PODN: variants seen among roughly 807,000 people sequenced by gnomAD.
PODN encodes podocan proteoglycan.
In PODN, 40 loss-of-function variants were observed where a neutral mutation model predicts 52.7. The observed-to-expected ratio is 0.76, with a 90% confidence interval of 0.59 to 0.99. The LOEUF (loss-of-function observed/expected upper bound fraction) is 0.99, where lower values mean the gene tolerates loss of function less well. PODN is among the 50% of genes least tolerant of loss of function. The pLI is 0.00. For synonymous variants in PODN, 396 were observed against 377.9 expected (o/e 1.05, Z -0.56); for missense variants, 720 against 815.1 (o/e 0.88, Z 1.42).
At chr1:53,069,203 C>T (rs772370830) in intron 1 of PODN, among the ~76,000 whole-genome samples, 28 of 152,238 alleles carry the variant, frequency 1.8e-4, no homozygotes, top group Non-Finnish European at 2.9e-4. Context: ...TTCCCATGTT[C>T]ATAGCACTGG....
chr1:53,084,757 C>G lies in PODN; in HGVS notation c.*272C>G, dbSNP rs886313326. 3 of 152,860 alleles carry G rather than the reference C, an allele frequency of 2.0e-5. No individual in the cohort carries two copies. Among genetic ancestry groups the G allele is most frequent in the African/African-American group, 7.2e-5 (3 of 41,452 alleles). 9.5% of individuals were successfully genotyped at this position (152,860 alleles called of 1,614,324 possible). A position where few individuals can be genotyped will look rare whatever the true frequency, so the allele number is the denominator to read the frequency against. ...ACTACCCTCCAAACCACCACAGTCT[C>G]TGTCACACCCCCACTACCGCTGCCA... On this transcript the variant is annotated 3_prime_UTR_variant, in exon 11 of 11. Transcript: ENST00000312553.
chr1:53,066,839 G>T (rs1437541652), intron 1 of PODN: 2 of 1,549,754 alleles, frequency 1.3e-6, no homozygotes, highest in African/African-American at 2.7e-5. Flanking sequence ...ATACCAAATG[G>T]AAGGCGAGGA....
rs1372360163 is a variant in PODN, at chr1:53,074,628, G to A, written c.429G>A (p.Glu143=). 5 of 1,614,096 alleles carry A rather than the reference G, an allele frequency of 3.1e-6. No individual in the cohort carries two copies. The highest frequency in any genetic ancestry group is 1.1e-5 in the South Asian group (1 of 91,084). ...AAGGGCTCCCAGAGAAGGCGTTTGA[G>A]CATCTGACCAACCTCAATTACCTGT... ...TSRGLPEKAF[E]HLTNLNYLYL... is the part of the protein sequence containing the mutation. The change falls in exon 4 of 11, where the codon GAG becomes GAA. Residue 143 remains glutamate, a synonymous_variant. Transcript: ENST00000312553.
At chr1:53,071,499 C>T (rs770786942) in intron 2 of PODN, 36 bp from the exon 3 acceptor site, 2 of 1,554,828 alleles carry the variant, frequency 1.3e-6, no homozygotes, top group Non-Finnish European at 8.8e-7. Flanking sequence ...CCCCACTAGG[C>T]TGATGCTGCT....
Position 53,074,684 on chromosome 1 carries a change from G to C in PODN, c.471+14G>C. ...GCCAATAACAAGGTGAGGGGCTTGA[G>C]GCAGGGTGGGGGGTTGCTGCCCTGT... On this transcript the variant is annotated intron_variant, in intron 4 of 10. Transcript: ENST00000312553. 1 of 1,613,476 alleles carries C rather than the reference G, an allele frequency of 6.2e-7. No individual in the cohort carries two copies. Among genetic ancestry groups the C allele is most frequent in the East Asian group, 2.2e-5 (1 of 44,874 alleles).
intron 1 of PODN, among the ~76,000 whole-genome samples, chr1:53,065,790 A>C (rs967917942): frequency 2.0e-5 from 3 of 152,028 alleles, no homozygotes; most frequent in Non-Finnish European, 4.4e-5. Context: ...CAGTCTTGTG[A>C]GTGTGAACTG....
intron 8 of PODN, among the ~76,000 whole-genome samples, chr1:53,080,122 C>A (rs986706761): frequency 1.6e-4 from 24 of 152,304 alleles, no homozygotes; most frequent in African/African-American, 5.5e-4. Context: ...TTCCTGACTG[C>A]CCTCCCCTGG....
At chr1:53,066,006 T>TA (rs1644027273) in intron 1 of PODN, among the ~76,000 whole-genome samples, 1 of 148,778 alleles carries the variant, frequency 6.7e-6, no homozygotes, top group Admixed American at 6.7e-5. Flanking sequence ...TTTTTTTTTT[T>TA]TTTTTTTTTG....
chr1:53,074,239 G>C (rs996187113), intron 3 of PODN, among the ~76,000 whole-genome samples: 2 of 152,226 alleles, frequency 1.3e-5, no homozygotes, highest in African/African-American at 4.8e-5. Flanking sequence ...TTCCTGGCCC[G>C]GCCCCCCTGC....
At chr1:53,077,411 C>T in intron 6 of PODN, 65 bp downstream of exon 6, 3 of 1,582,938 alleles carry the variant, frequency 1.9e-6, no homozygotes, top group Non-Finnish European at 2.6e-6. Flanking sequence ...GGGCAGGGGC[C>T]TGCAGGGGAA....
In PODN at chr1:53,078,721, A is replaced by G. The variant is rs373953394; in HGVS notation, c.1211A>G (p.Tyr404Cys). Residue 404 changes from tyrosine to cysteine, a missense_variant, in exon 8 of 11, where the codon TAC becomes TGC. Coordinates refer to ENST00000312553, the MANE Select transcript of PODN (RefSeq NM_153703.5). ...GIGREDFATT[Y>C]FLEELNLSYN... ...GGCCGCGAAGACTTTGCCACCACCT[A>G]CTTCCTGGAGGAGCTCAACCTCAGC... 32 of 1,613,420 alleles carry G rather than the reference A, an allele frequency of 2.0e-5. No homozygotes were observed. In the East Asian group the frequency reaches 2.0e-4, roughly 10 times the overall value.
chr1:53,078,923 G>A lies in PODN; in HGVS notation c.1413G>A (p.Leu471=), dbSNP rs772629769. 3 of 1,597,650 alleles carry A rather than the reference G, an allele frequency of 1.9e-6. No homozygotes were observed. Among genetic ancestry groups the A allele is most frequent in the Non-Finnish European group, 2.6e-6 (3 of 1,172,486 alleles). ...TGGCTGCCTTGGCACGAGGGGCGCT[G>A]GTGGGCATGGCTCAGCTGCGTGAGC... is the stretch of plus-strand genomic sequence containing the variant. ...NELAALARGA[L]VGMAQLRELY... The change falls in exon 8 of 11, where the codon CTG becomes CTA. Residue 471 remains leucine (L), a synonymous_variant. Transcript: ENST00000312553.
chr1:53,082,152 AACAAGATAGTG>A lies in PODN; in HGVS notation c.1839_*7del. 3.1e-6 allele frequency: 5 copies of A among 1,606,300 alleles called. No individual in the cohort carries two copies. The highest frequency in any genetic ancestry group is 4.2e-6 in the Non-Finnish European group (5 of 1,176,578). Reference sequence around the variant, plus strand: ...AAGAGGAGGAGGAGGAGGAAGAGGAAACAAGATAGTGACAAGGTGATGCAGATGTGACCTAG... The same window carrying A: ...AAGAGGAGGAGGAGGAGGAAGAGGAAACAAGGTGATGCAGATGTGACCTAG... On this transcript the variant is annotated stop_retained_variant and 3_prime_UTR_variant, in exon 10 of 11. Coordinates refer to ENST00000312553, the MANE Select transcript of PODN (RefSeq NM_153703.5).
chr1:53,080,605 C>G (rs1278874897), intron 8 of PODN, 123 bp from the exon 9 acceptor site: 1 of 1,037,710 alleles, frequency 9.6e-7, no homozygotes, highest in African/African-American at 1.6e-5. Flanking sequence ...TTATAGACAC[C>G]CCCCCTCCTC....
At chr1:53,083,526 G>A (rs957200452) in intron 10 of PODN, among the ~76,000 whole-genome samples, 1 of 152,244 alleles carries the variant, frequency 6.6e-6, no homozygotes, top group African/African-American at 2.4e-5. Flanking sequence ...CAGATTGGTG[G>A]CTTGGTGGCC....
intron 1 of PODN, 118 bp from the exon 2 acceptor site, chr1:53,069,683 G>T: frequency 7.1e-7 from 1 of 1,401,734 alleles, no homozygotes. Flanking sequence ...AGGTGCGGAG[G>T]GCAGCAGTCA....
At position 53,077,349 on chromosome 1, in the gene PODN, G is replaced by C; in HGVS notation, c.738+3G>C. 2 of 1,612,820 alleles carry C rather than the reference G, an allele frequency of 1.2e-6. No individual in the cohort carries two copies. The highest frequency in any genetic ancestry group is 1.7e-6 in the Non-Finnish European group (2 of 1,179,842). On this transcript the variant is annotated splice_donor_region_variant and intron_variant, in intron 6 of 10. Transcript: ENST00000312553. ...CCCTGTACAAGCTGCACCTCAAGGT[G>C]GGCAGGGGAGGGGTAAGGAGGGGCA...
chr1:53,081,465 C>T (rs1025249993), intron 9 of PODN, among the ~76,000 whole-genome samples: 2 of 152,206 alleles, frequency 1.3e-5, no homozygotes, highest in Non-Finnish European at 2.9e-5. Flanking sequence ...ATCAGGGTGG[C>T]TTGACATGTG....
At chr1:53,067,993 T>A (rs942139287) in intron 1 of PODN, among the ~76,000 whole-genome samples, 3 of 150,792 alleles carry the variant, frequency 2.0e-5, no homozygotes, top group African/African-American at 7.4e-5. Context: ...CAGCAGAGGA[T>A]TCTGGAGTGA....
Sources: allele counts gnomAD v4.1 joint callset (sites outside exome capture counted in the v4.1 genomes callset), GRCh38; gene constraint gnomAD v4.1.1; transcripts MANE v1.5; gene names NCBI Gene and HGNC (gene_info 2026-07-23, HGNC 2026-07-21).